The following DOCK4 variants were observed in gnomAD, a reference collection of about 807,000 sequenced individuals.
DOCK4 encodes dedicator of cytokinesis 4.
A neutral mutation model predicts 268.1 loss-of-function variants in DOCK4; 97 were observed. That is an observed-to-expected ratio of 0.36 (90% CI 0.31 to 0.43). The LOEUF is 0.43. Among genes scored for constraint, DOCK4 ranks in the 20% least tolerant of loss-of-function variants. The pLI, the probability that DOCK4 is intolerant of heterozygous loss-of-function variation, is 1.00. For synonymous variants in DOCK4, 954 were observed against 887.2 expected, an observed-to-expected ratio of 1.08 and a Z score of -1.34; for missense variants, 2,145 against 2,455.7, an observed-to-expected ratio of 0.87 and a Z score of 2.67.
chr7:112,043,756 A>G (rs1190687032), intron 1 of DOCK4, among the ~76,000 whole-genome samples: 4 of 151,936 alleles, frequency 2.6e-5, no homozygotes, highest in East Asian at 3.9e-4. Flanking sequence ...TAGTATCTAA[A>G]TACCCCCTAG....
chr7:111,757,394 A>G (rs1363677827), intron 41 of DOCK4, among the ~76,000 whole-genome samples: 1 of 152,166 alleles, frequency 6.6e-6, no homozygotes, highest in Non-Finnish European at 1.5e-5. Flanking sequence ...GAACAAGTCA[A>G]TTGCCTGATT....
rs183300066 is a variant in DOCK4, at chr7:111,935,435, T to C, written c.1066+105A>G. On this transcript the variant is annotated intron_variant, in intron 12 of 52. Transcript: ENST00000428084. ...AGCATTTTTAAAGTTAGGGAGTGAA[T>C]AGACAGAAAAACAAAGGGCTGATAA... The C allele has an allele frequency of 3.4e-4, 321 of 957,480 alleles. 1 individual carries two copies. In the African/African-American group the frequency reaches 3.5e-3, roughly 11 times the overall value. 59.3% of individuals were successfully genotyped at this position (957,480 alleles called of 1,614,324 possible).
chr7:111,908,636 C>G (rs767514417), intron 13 of DOCK4, among the ~76,000 whole-genome samples: 2 of 151,960 alleles, frequency 1.3e-5, no homozygotes, highest in African/African-American at 4.8e-5. Flanking sequence ...TGCCTATCAA[C>G]CCGTCATCTA....
At chr7:112,154,910 T>C (rs1816470694) in intron 1 of DOCK4, among the ~76,000 whole-genome samples, 1 of 152,116 alleles carries the variant, frequency 6.6e-6, no homozygotes, top group Non-Finnish European at 1.5e-5. Context: ...TGCCTCAGAT[T>C]TAAAACAGGT....
At chr7:111,901,909 T>A in intron 13 of DOCK4, 108 bp from the exon 14 acceptor site, 1 of 745,948 alleles carries the variant, frequency 1.3e-6, no homozygotes. Context: ...TATACATACA[T>A]ATAAAAGTAC....
chr7:112,093,590 A>G (rs1416994733), intron 1 of DOCK4, among the ~76,000 whole-genome samples: 3 of 152,182 alleles, frequency 2.0e-5, no homozygotes, highest in South Asian at 2.1e-4. Flanking sequence ...TAAAGCTCAT[A>G]GTCGGCAAAA....
intron 30 of DOCK4, among the ~76,000 whole-genome samples, chr7:111,805,964 G>GC (rs1159943301): frequency 6.6e-6 from 1 of 152,148 alleles, no homozygotes; most frequent in Non-Finnish European, 1.5e-5. Flanking sequence ...ACATGATGAT[G>GC]TTGTCTTTGT....
At chr7:111,736,060 A>G (rs1309163570) in intron 50 of DOCK4, among the ~76,000 whole-genome samples, 3 of 152,252 alleles carry the variant, frequency 2.0e-5, no homozygotes, top group African/African-American at 7.2e-5. Context: ...GTGACTTGTA[A>G]CATTAAAGCT....
intron 39 of DOCK4, among the ~76,000 whole-genome samples, chr7:111,764,706 A>G (rs1797662971): frequency 6.6e-6 from 1 of 152,072 alleles, no homozygotes; most frequent in African/African-American, 2.4e-5. Context: ...CAAAATGGCC[A>G]AACAACACTC....
At chr7:111,900,812 A>G (rs1453324062) in intron 14 of DOCK4, among the ~76,000 whole-genome samples, 4 of 152,304 alleles carry the variant, frequency 2.6e-5, no homozygotes, top group African/African-American at 4.8e-5. Flanking sequence ...GTTCAACTAC[A>G]TGGTAAAGTT....
intron 23 of DOCK4, among the ~76,000 whole-genome samples, chr7:111,854,040 C>T (rs1001788064): frequency 5.3e-5 from 8 of 151,854 alleles, no homozygotes; most frequent in African/African-American, 9.7e-5. Flanking sequence ...AAGTGATTCT[C>T]CTGCCTCAGC....
intron 1 of DOCK4, among the ~76,000 whole-genome samples, chr7:112,105,419 A>C (rs912993420): frequency 3.9e-5 from 6 of 152,128 alleles, no homozygotes; most frequent in Admixed American, 3.9e-4. Flanking sequence ...ACAACTTCTT[A>C]ATTCTTTTTT....
At chr7:111,874,744 A>G (rs573167104) in intron 17 of DOCK4, among the ~76,000 whole-genome samples, 6 of 152,284 alleles carry the variant, frequency 3.9e-5, no homozygotes, top group Admixed American at 2.6e-4. Context: ...ATGACCCCTA[A>G]TCCTCTGAAC....
At chr7:111,868,237 T>G in intron 21 of DOCK4, 83 bp from the exon 22 acceptor site, 10 of 1,073,306 alleles carry the variant, frequency 9.3e-6, no homozygotes, top group South Asian at 1.8e-5. Flanking sequence ...AAAACCATGG[T>G]ATGGCATTAA....
At position 111,945,741 on chromosome 7, in the gene DOCK4, C is replaced by T. The variant is rs374827394; in HGVS notation, c.759G>A (p.Pro253=). 1.4e-4 allele frequency: 224 copies of T among 1,598,480 alleles called. No individual in the cohort carries two copies. Among genetic ancestry groups the T allele is most frequent in the Admixed American group, 4.8e-4 (28 of 58,112 alleles). ...RNGLPKAPDK[P]ERHCSLFVDL... Reference sequence around the variant, plus strand: ...CCACAAAGAGGGAGCAATGTCGTTCCGGTTTATCAGGGGCTTTGGGAAGCC... The same window carrying T: ...CCACAAAGAGGGAGCAATGTCGTTCTGGTTTATCAGGGGCTTTGGGAAGCC... Residue 253 remains proline, a synonymous_variant, in exon 9 of 53, where the codon CCG becomes CCA. Transcript: ENST00000428084.
chr7:111,954,679 A>G (rs1796319069), intron 8 of DOCK4, among the ~76,000 whole-genome samples: 1 of 152,188 alleles, frequency 6.6e-6, no homozygotes. Context: ...CTGTCATGTC[A>G]GACTGGGACA....
intron 8 of DOCK4, among the ~76,000 whole-genome samples, chr7:111,959,744 T>C (rs1454573253): frequency 6.6e-6 from 1 of 152,230 alleles, no homozygotes; most frequent in Non-Finnish European, 1.5e-5. Flanking sequence ...TATTAGATTG[T>C]ATCAGCCTCA....
At chr7:111,964,042 C>T (rs1245542379) in intron 8 of DOCK4, among the ~76,000 whole-genome samples, 4 of 135,498 alleles carry the variant, frequency 3.0e-5, no homozygotes, top group South Asian at 2.5e-4. Flanking sequence ...ACATCTACAC[C>T]GAAAACCCAT....
intron 10 of DOCK4, among the ~76,000 whole-genome samples, chr7:111,940,839 T>C (rs1795146201): frequency 6.6e-6 from 1 of 152,248 alleles, no homozygotes; most frequent in South Asian, 2.1e-4. Context: ...TTTTAATGTA[T>C]TGTTGGTATT....
Sources: gnomAD v4.1 joint callset for allele counts (sites outside exome capture counted in the v4.1 genomes callset) on GRCh38, gnomAD v4.1.1 for gene constraint, MANE v1.5 for transcripts, NCBI Gene and HGNC (gene_info 2026-07-23, HGNC 2026-07-21) for gene names.